The following NOVA1 variants were observed in gnomAD, a reference collection of about 807,000 sequenced individuals.
NOVA1 encodes the protein NOVA alternative splicing regulator 1.
Under a neutral mutation model 38.0 loss-of-function variants are expected in NOVA1, and 7 were observed. That is an observed-to-expected ratio of 0.18 (90% CI 0.10 to 0.35). NOVA1 has a LOEUF of 0.35. Among genes scored for constraint, NOVA1 ranks in the 10% least tolerant of loss-of-function variants. The pLI is 1.00. For synonymous variants in NOVA1, 270 were observed against 232.5 expected (o/e 1.16, Z -1.47); for missense variants, 460 against 616.0 (o/e 0.75, Z 2.68).
At chr14:26,569,770 T>C (rs1228135629) in intron 2 of NOVA1, among the ~76,000 whole-genome samples, 1 of 152,184 alleles carries the variant, frequency 6.6e-6, no homozygotes, top group Non-Finnish European at 1.5e-5. Flanking sequence ...CTAAAACAAA[T>C]TTCTAGTTGA....
At chr14:26,519,137 TG>T (rs1470451097) in intron 2 of NOVA1, 2 of 152,152 alleles carry the variant, frequency 1.3e-5, no homozygotes, top group African/African-American at 4.8e-5. Context: ...ATTTTTGAAA[TG>T]TATTTCAAAT....
chr14:26,557,726 C>A (rs1266536171), intron 2 of NOVA1, among the ~76,000 whole-genome samples: 2 of 152,048 alleles, frequency 1.3e-5, no homozygotes, highest in African/African-American at 4.8e-5. Flanking sequence ...ACTAAGCATA[C>A]TTTTAACATA....
Position 26,519,855 on chromosome 14 carries a change from C to T in NOVA1, c.281-39712G>A, listed in dbSNP as rs569639446. ...AGAAATTTTTTTCTTAATTTATATT[C>T]CTATCAGTGTGATCACAGAAAAAAG... On this transcript the variant is annotated intron_variant, in intron 2 of 4. Coordinates refer to ENST00000539517, the MANE Select transcript of NOVA1 (RefSeq NM_002515.3). 2.6e-3 allele frequency among the ~76,000 whole-genome samples: 398 copies of T among 151,906 alleles called. 1 individual carries two copies. Among genetic ancestry groups the T allele is most frequent in the African/African-American group, 9.1e-3 (376 of 41,418 alleles).
intron 2 of NOVA1, among the ~76,000 whole-genome samples, chr14:26,483,167 T>C (rs958983092): frequency 6.6e-6 from 1 of 152,156 alleles, no homozygotes; most frequent in Non-Finnish European, 1.5e-5. Context: ...CATACAATTA[T>C]CAGTTTTAAT....
At chr14:26,576,668 T>C (rs1892865522) in intron 2 of NOVA1, among the ~76,000 whole-genome samples, 1 of 151,856 alleles carries the variant, frequency 6.6e-6, no homozygotes, top group African/African-American at 2.4e-5. Flanking sequence ...CTGTGTCTTC[T>C]AACAATGATA....
intron 2 of NOVA1, among the ~76,000 whole-genome samples, chr14:26,557,564 G>A (rs531736005): frequency 2.0e-5 from 3 of 151,312 alleles, no homozygotes; most frequent in East Asian, 3.9e-4. Context: ...GTGGAGACGG[G>A]GTTTCGCCAT....
chr14:26,544,030 G>A (rs1451927679), intron 2 of NOVA1, among the ~76,000 whole-genome samples: 2 of 151,942 alleles, frequency 1.3e-5, no homozygotes, highest in African/African-American at 4.8e-5. Flanking sequence ...ACTAATTAAA[G>A]ACTCATGCCC....
chr14:26,499,266 T>C (rs1393583878), intron 2 of NOVA1, among the ~76,000 whole-genome samples: 1 of 152,208 alleles, frequency 6.6e-6, no homozygotes, highest in Admixed American at 6.5e-5. Flanking sequence ...AAAACCTTTA[T>C]ATATGTCTCA....
chr14:26,479,769 A>C (rs992272394), intron 3 of NOVA1: 2 of 467,880 alleles, frequency 4.3e-6, no homozygotes, highest in African/African-American at 3.9e-5. Context: ...ATGTAACACT[A>C]ATAAATGAAT....
intron 2 of NOVA1, among the ~76,000 whole-genome samples, chr14:26,529,746 GT>G (rs1176331323): frequency 1.3e-5 from 2 of 152,076 alleles, no homozygotes; most frequent in African/African-American, 4.8e-5. Context: ...CACTATAAAA[GT>G]ATTTAGCTGT....
At position 26,447,639 on chromosome 14, in the gene NOVA1, C is replaced by A. The variant is rs942599550; in HGVS notation, c.*320G>T. On this transcript the variant is annotated 3_prime_UTR_variant, in exon 5 of 5. Transcript: ENST00000539517. Reference sequence around the variant, plus strand: ...TCTAGAACTAATACTGAAAACTATACGCATATCCCTGTCTACATTCAATCA... The same window carrying A: ...TCTAGAACTAATACTGAAAACTATAAGCATATCCCTGTCTACATTCAATCA... The A allele has an allele frequency of 9.3e-5, 31 of 332,818 alleles. No individual in the cohort carries two copies. Among genetic ancestry groups the A allele is most frequent in the Non-Finnish European group, 1.7e-4 (31 of 179,118 alleles). The allele number at this position is 332,818 out of a possible 1,614,324, so 20.6% of individuals were successfully genotyped here.
intron 4 of NOVA1, chr14:26,470,157 G>A: frequency 1.3e-6 from 1 of 772,240 alleles, no homozygotes; most frequent in Non-Finnish European, 1.6e-6. Flanking sequence ...TCTGAATATT[G>A]ACAGTCCATT....
intron 2 of NOVA1, among the ~76,000 whole-genome samples, chr14:26,530,945 CTGAA>C (rs1345075086): frequency 6.6e-6 from 1 of 152,146 alleles, no homozygotes; most frequent in Admixed American, 6.5e-5. Flanking sequence ...ACAACACTTA[CTGAA>C]TATTTTGCAT....
intron 2 of NOVA1, among the ~76,000 whole-genome samples, chr14:26,555,413 A>G (rs539032297): frequency 6.6e-6 from 1 of 152,232 alleles, no homozygotes; most frequent in South Asian, 2.1e-4. Context: ...ATAACTGTTC[A>G]TGTAATGTTC....
chr14:26,454,616 T>A (rs1340564706), intron 4 of NOVA1, among the ~76,000 whole-genome samples: 1 of 152,200 alleles, frequency 6.6e-6, no homozygotes, highest in African/African-American at 2.4e-5. Flanking sequence ...TTATGATAAT[T>A]TCTATAATTT....
chr14:26,497,801 A>G (rs1015928288), intron 2 of NOVA1, among the ~76,000 whole-genome samples: 4 of 152,204 alleles, frequency 2.6e-5, no homozygotes, highest in African/African-American at 9.6e-5. Context: ...ACCGTAATAA[A>G]AAAATATTAA....
chr14:26,482,419 G>A (rs969363561), intron 2 of NOVA1, among the ~76,000 whole-genome samples: 3 of 151,924 alleles, frequency 2.0e-5, no homozygotes, highest in African/African-American at 4.8e-5. Flanking sequence ...ACACAAAACC[G>A]TAATTTTTAG....
intron 2 of NOVA1, among the ~76,000 whole-genome samples, chr14:26,507,880 T>G (rs559043828): frequency 1.3e-5 from 2 of 150,978 alleles, no homozygotes; most frequent in Non-Finnish European, 3.0e-5. Flanking sequence ...AACAAAAACA[T>G]ACAACAAAAA....
intron 2 of NOVA1, among the ~76,000 whole-genome samples, chr14:26,502,586 T>A (rs1427876041): frequency 1.3e-5 from 2 of 149,742 alleles, no homozygotes; most frequent in Non-Finnish European, 3.0e-5. Flanking sequence ...ATAACTGAGT[T>A]TCAACATAAC....
Sources: allele counts gnomAD v4.1 joint callset (sites outside exome capture counted in the v4.1 genomes callset), GRCh38; gene constraint gnomAD v4.1.1; transcripts MANE v1.5; gene names NCBI Gene and HGNC (gene_info 2026-07-23, HGNC 2026-07-21).